Variants in SLC35F3 observed in about 807,000 individuals in gnomAD.
SLC35F3 encodes putative thiamine transporter SLC35F3.
SLC35F3 carries 25 observed loss-of-function variants against 49.9 expected under a neutral mutation model. The ratio of observed to expected loss-of-function variants is 0.50; its 90% CI spans 0.37 to 0.70. The LOEUF is 0.70. SLC35F3 is among the 30% of genes least tolerant of loss of function. SLC35F3 has a pLI of 0.00. For synonymous variants in SLC35F3, 275 were observed against 265.4 expected (o/e 1.04, Z -0.35); for missense variants, 525 against 639.8 (o/e 0.82, Z 1.94).
chr1:234,200,227 A>G (rs1253088511), intron 2 of SLC35F3, among the ~76,000 whole-genome samples: 1 of 152,206 alleles, frequency 6.6e-6, no homozygotes, highest in Non-Finnish European at 1.5e-5. Context: ...CTGATGGCTA[A>G]TGACGTTAAG....
Position 234,275,596 on chromosome 1 carries a change from CAG to C in SLC35F3, c.609-33503_609-33502del, listed in dbSNP as rs56664635. Among the ~76,000 whole-genome samples the C allele has an allele frequency of 2.7e-3, 415 of 151,620 alleles. 17 individuals are homozygous for C. The East Asian group carries it at 0.065, about 24-fold the overall frequency. On this transcript the variant is annotated intron_variant, in intron 3 of 7. Coordinates refer to ENST00000366618, the MANE Select transcript of SLC35F3 (RefSeq NM_173508.4). ...GTAGTTAGGTAGGTAGATAGACAGA[CAG>C]ACAGACACACACACACACACAAACA...
At chr1:233,911,742 A>G (rs1661877892) in intron 2 of SLC35F3, among the ~76,000 whole-genome samples, 1 of 152,216 alleles carries the variant, frequency 6.6e-6, no homozygotes, top group South Asian at 2.1e-4. Context: ...GATGGGAGAC[A>G]CAGTCCTCAC....
chr1:233,988,478 A>G (rs948420592), intron 2 of SLC35F3, among the ~76,000 whole-genome samples: 1 of 152,152 alleles, frequency 6.6e-6, no homozygotes, highest in African/African-American at 2.4e-5. Flanking sequence ...CCCTATTGTC[A>G]ACCCCACCTG....
At chr1:234,024,599 G>A (rs1663947316) in intron 2 of SLC35F3, among the ~76,000 whole-genome samples, 1 of 152,170 alleles carries the variant, frequency 6.6e-6, no homozygotes, top group South Asian at 2.1e-4. Context: ...CCCACGTGAA[G>A]GACACCACAT....
chr1:233,932,318 G>A (rs1662256624), intron 2 of SLC35F3, among the ~76,000 whole-genome samples: 1 of 152,042 alleles, frequency 6.6e-6, no homozygotes, highest in Non-Finnish European at 1.5e-5. Flanking sequence ...GGTTGGTCTT[G>A]CTGTCTCAGG....
intron 3 of SLC35F3, among the ~76,000 whole-genome samples, chr1:234,295,091 C>T (rs1668571110): frequency 6.6e-6 from 1 of 152,242 alleles, no homozygotes; most frequent in Non-Finnish European, 1.5e-5. Flanking sequence ...CATCTCAGTG[C>T]CTCGCTGTCC....
Position 234,012,634 on chromosome 1 carries a change from C to T in SLC35F3, c.283+106876C>T, listed in dbSNP as rs536873160. On this transcript the variant is annotated intron_variant, in intron 2 of 7. Transcript: ENST00000366618. ...CCTGCACAGCCCTAGATCCCTTAAA[C>T]CTTGATTTCATACAACACATGTTTT... is the stretch of plus-strand genomic sequence containing the variant. Among the ~76,000 whole-genome samples, 5 of 152,332 alleles carry T rather than the reference C, an allele frequency of 3.3e-5. No individual in the cohort carries two copies. The South Asian group carries it at 1.0e-3, about 32-fold the overall frequency.
At chr1:233,954,507 T>C (rs1289844462) in intron 2 of SLC35F3, among the ~76,000 whole-genome samples, 1 of 152,214 alleles carries the variant, frequency 6.6e-6, no homozygotes, top group Non-Finnish European at 1.5e-5. Flanking sequence ...CTTGTCACTC[T>C]AATGTGAAAG....
chr1:234,166,956 A>G (rs369673816), intron 2 of SLC35F3, among the ~76,000 whole-genome samples: 1 of 152,210 alleles, frequency 6.6e-6, no homozygotes, highest in Non-Finnish European at 1.5e-5. Flanking sequence ...TGGATTTGAA[A>G]TGATTTTTTG....
chr1:234,312,694 CT>C (rs376659380), intron 4 of SLC35F3, among the ~76,000 whole-genome samples: 1 of 152,170 alleles, frequency 6.6e-6, no homozygotes, highest in African/African-American at 2.4e-5. Flanking sequence ...AGGCCAGCAG[CT>C]GGGAGGGAAA....
intron 2 of SLC35F3, among the ~76,000 whole-genome samples, chr1:233,943,240 C>G (rs943354815): frequency 1.3e-5 from 2 of 152,184 alleles, no homozygotes; most frequent in South Asian, 2.1e-4. Flanking sequence ...TAAGCTAATT[C>G]AAAGAGTGGT....
chr1:234,092,658 G>A (rs979993709), intron 2 of SLC35F3, among the ~76,000 whole-genome samples: 19 of 152,116 alleles, frequency 1.2e-4, no homozygotes, highest in South Asian at 6.2e-4. Flanking sequence ...ACTTGAGCCC[G>A]GGAATTTGAG....
At chr1:234,160,222 C>T (rs1041049961) in intron 2 of SLC35F3, among the ~76,000 whole-genome samples, 4 of 152,196 alleles carry the variant, frequency 2.6e-5, no homozygotes, top group Non-Finnish European at 5.9e-5. Flanking sequence ...CTACACATAA[C>T]AATTTTAAAA....
chr1:234,110,084 C>T (rs958141428), intron 2 of SLC35F3, among the ~76,000 whole-genome samples: 1 of 149,428 alleles, frequency 6.7e-6, no homozygotes, highest in Non-Finnish European at 1.5e-5. Flanking sequence ...CCCAGAAGCG[C>T]AAAGACCCTG....
chr1:233,922,813 T>C (rs1325101707), intron 2 of SLC35F3, among the ~76,000 whole-genome samples: 1 of 152,232 alleles, frequency 6.6e-6, no homozygotes, highest in African/African-American at 2.4e-5. Flanking sequence ...CCATCTTGAA[T>C]TAATTTTTGT....
At chr1:233,991,434 A>G (rs1353429600) in intron 2 of SLC35F3, among the ~76,000 whole-genome samples, 1 of 152,100 alleles carries the variant, frequency 6.6e-6, no homozygotes, top group African/African-American at 2.4e-5. Flanking sequence ...ACTTCCATGG[A>G]AGAAAAAAAA....
intron 2 of SLC35F3, among the ~76,000 whole-genome samples, chr1:234,211,790 A>G (rs754282935): frequency 1.6e-4 from 24 of 152,192 alleles, no homozygotes; most frequent in Non-Finnish European, 3.2e-4. Flanking sequence ...TAATGCTGAA[A>G]TGAATTAAGA....
intron 2 of SLC35F3, among the ~76,000 whole-genome samples, chr1:234,039,423 G>A (rs1664188638): frequency 6.6e-6 from 1 of 152,162 alleles, no homozygotes; most frequent in South Asian, 2.1e-4. Context: ...AGTGCTATGG[G>A]AGTCCCAAGG....
chr1:233,979,038 AT>A lies in SLC35F3; in HGVS notation c.283+73282del, dbSNP rs572840174. 5.9e-5 allele frequency among the ~76,000 whole-genome samples: 9 copies of A among 151,344 alleles called. No homozygotes were observed. The South Asian group carries it at 1.0e-3, about 18-fold the overall frequency. The stretch of plus-strand genomic sequence containing the variant: ...ACGACAGAGTGAAACTCCGTTTCCA[AT>A]TAAAAAAAAAAAAACAAAAAGCAAA... On this transcript the variant is annotated intron_variant, in intron 2 of 7. Coordinates refer to ENST00000366618, the MANE Select transcript of SLC35F3 (RefSeq NM_173508.4).
Sources: gnomAD v4.1 joint callset for allele counts (sites outside exome capture counted in the v4.1 genomes callset) on GRCh38, gnomAD v4.1.1 for gene constraint, MANE v1.5 for transcripts, NCBI Gene and HGNC (gene_info 2026-07-23, HGNC 2026-07-21) for gene names.